RNF217: variants seen among roughly 807,000 people sequenced by gnomAD.
The protein encoded by RNF217 is E3 ubiquitin-protein ligase RNF217.
RNF217 carries 31 observed loss-of-function variants against 57.8 expected under a neutral mutation model. The ratio of observed to expected loss-of-function variants is 0.54; its 90% CI spans 0.40 to 0.72. The LOEUF is 0.72. Among genes scored for constraint, RNF217 ranks in the 30% least tolerant of loss-of-function variants. The pLI is 0.00. For missense variants in RNF217, 696 were observed against 708.3 expected (o/e 0.98, Z 0.20); for synonymous variants, 313 against 294.0 (o/e 1.06, Z -0.66).
At chr6:125,033,212 T>A (rs1582732498) in intron 1 of RNF217, among the ~76,000 whole-genome samples, 1 of 151,440 alleles carries the variant, frequency 6.6e-6, no homozygotes, top group Non-Finnish European at 1.5e-5. Context: ...TTTTTTTTTA[T>A]ACTTAAGTTT....
At chr6:125,049,917 A>G (rs1787245793) in intron 2 of RNF217, among the ~76,000 whole-genome samples, 1 of 151,872 alleles carries the variant, frequency 6.6e-6, no homozygotes, top group South Asian at 2.1e-4. Flanking sequence ...TTAAGTTTGA[A>G]GACCCTTTAG....
intron 1 of RNF217, among the ~76,000 whole-genome samples, chr6:125,013,329 T>TA (rs754403069): frequency 1.4e-5 from 2 of 146,744 alleles, no homozygotes; most frequent in South Asian, 4.5e-4. Flanking sequence ...AAAAGAAAGG[T>TA]AGGTGCTTGC....
chr6:124,970,335 C>A (rs537441360), intron 1 of RNF217, among the ~76,000 whole-genome samples: 34 of 152,192 alleles, frequency 2.2e-4, no homozygotes, highest in Middle Eastern at 6.8e-3. Context: ...GTGATACAGG[C>A]GAACGCAGTT....
intron 4 of RNF217, among the ~76,000 whole-genome samples, chr6:125,080,819 T>C (rs1328255431): frequency 6.6e-6 from 1 of 152,108 alleles, no homozygotes; most frequent in Non-Finnish European, 1.5e-5. Flanking sequence ...GTGCTTCCTT[T>C]TTCAATTCGT....
At chr6:125,016,820 A>G (rs1344425989) in intron 1 of RNF217, among the ~76,000 whole-genome samples, 1 of 152,086 alleles carries the variant, frequency 6.6e-6, no homozygotes, top group Non-Finnish European at 1.5e-5. Context: ...ACATTAGGTA[A>G]TACCTAATAT....
At position 124,962,802 on chromosome 6, in the gene RNF217, G is replaced by C. The variant is rs931413969; in HGVS notation, c.258G>C (p.Gln86His). 1 of 1,597,404 alleles carries C rather than the reference G, an allele frequency of 6.3e-7. No homozygotes were observed. Among genetic ancestry groups the C allele is most frequent in the African/African-American group, 1.3e-5 (1 of 74,880 alleles). The change falls in exon 1 of 6, where the codon CAG becomes CAC. Residue 86 changes from glutamine (Q) to histidine (H), a missense_variant. Around this residue, in one of 2 missense-constraint regions of RNF217, gnomAD observed 465 missense variants for 386.8 expected, o/e 1.20. Coordinates refer to ENST00000521654, the MANE Select transcript of RNF217 (RefSeq NM_001286398.3). This position sits in a 1 kb window ranked among gnomAD's most constrained non-coding sequence, Gnocchi z 4.6. The part of the protein sequence containing the change: ...PGWSKSRAPA[Q>H]PAGLALTGPL... ...GGAGTAAGAGCCGAGCACCGGCGCA[G>C]CCTGCGGGACTGGCACTCACCGGGC...
intron 1 of RNF217, among the ~76,000 whole-genome samples, chr6:124,964,137 G>C (rs1783429402): frequency 6.6e-6 from 1 of 152,200 alleles, no homozygotes; most frequent in African/African-American, 2.4e-5. Context: ...TGGAAAGCTT[G>C]AGAGTGCACC....
intron 1 of RNF217, among the ~76,000 whole-genome samples, chr6:125,030,765 G>A (rs145826610): frequency 0.027 from 4,116 of 152,122 alleles, 166 homozygotes; most frequent in African/African-American, 0.087. Context: ...CCAGGCACAC[G>A]GTGCAAGCTG....
At chr6:125,001,778 G>A (rs1784995567) in intron 1 of RNF217, among the ~76,000 whole-genome samples, 1 of 152,132 alleles carries the variant, frequency 6.6e-6, no homozygotes, top group African/African-American at 2.4e-5. Context: ...TGTATTATTT[G>A]TGCTGAGAGA....
chr6:124,981,961 G>C lies in RNF217; in HGVS notation c.882+18535G>C, dbSNP rs551592442. Among the ~76,000 whole-genome samples the C allele has an allele frequency of 2.0e-5, 3 of 147,464 alleles. No individual in the cohort carries two copies. The East Asian group carries it at 6.0e-4, about 30-fold the overall frequency. The stretch of plus-strand genomic sequence containing the variant: ...AAGAACCACTTGAACCCGGGAGGCA[G>C]AGGTTGCAATGAACCGAGATCGCGC... On this transcript the variant is annotated intron_variant, in intron 1 of 5. Transcript: ENST00000521654.
chr6:124,981,987 C>T (rs1250458765), intron 1 of RNF217, among the ~76,000 whole-genome samples: 4 of 144,290 alleles, frequency 2.8e-5, no homozygotes, highest in African/African-American at 1.0e-4. Flanking sequence ...GAGATCGCGC[C>T]GCTGCACTCC....
chr6:125,029,526 G>A (rs1786256749), intron 1 of RNF217, among the ~76,000 whole-genome samples: 1 of 152,152 alleles, frequency 6.6e-6, no homozygotes, highest in African/African-American at 2.4e-5. Flanking sequence ...AAGATACTTT[G>A]TTTTGGCATG....
At position 125,084,884 on chromosome 6, in the gene RNF217, A is replaced by G. The variant is rs952572839; in HGVS notation, c.*1947A>G. 4.6e-5 allele frequency: 7 copies of G among 152,062 alleles called. No homozygotes were observed. The highest frequency in any genetic ancestry group is 1.7e-4 in the African/African-American group (7 of 41,562). The allele number at this position is 152,062 out of a possible 1,614,324, so 9.4% of individuals were successfully genotyped here. ...TATCTTAGGTGTAATAGTATTTAAG[A>G]CTGAAAGAAGGAGAATTTCTAACCT... On this transcript the variant is annotated 3_prime_UTR_variant, in exon 6 of 6. Coordinates refer to ENST00000521654, the MANE Select transcript of RNF217 (RefSeq NM_001286398.3).
At chr6:124,988,734 A>G (rs1784445713) in intron 1 of RNF217, among the ~76,000 whole-genome samples, 1 of 152,194 alleles carries the variant, frequency 6.6e-6, no homozygotes, top group Admixed American at 6.5e-5. Flanking sequence ...TCTCTAATTA[A>G]AGTTCTTTAA....
At position 125,013,349 on chromosome 6, in the gene RNF217, GTA is replaced by G. The variant is rs59462089; in HGVS notation, c.883-31860_883-31859del. On this transcript the variant is annotated intron_variant, in intron 1 of 5. Coordinates refer to ENST00000521654, the MANE Select transcript of RNF217 (RefSeq NM_001286398.3). ...AAAGGTAGGTGCTTGCATGTTTTGT[GTA>G]TGTGTGTGTGTGTGTGTGTGTGTGT... Among the ~76,000 whole-genome samples the G allele has an allele frequency of 3.2e-3, 235 of 73,818 alleles. 1 individual carries two copies. The highest frequency in any genetic ancestry group is 0.014 in the African/African-American group (216 of 15,008). 48.4% of individuals were successfully genotyped at this position (73,818 alleles called of 152,430 possible). A position where few individuals can be genotyped will look rare whatever the true frequency, so the allele number is the denominator to read the frequency against.
chr6:125,035,829 T>A (rs921920818), intron 1 of RNF217, among the ~76,000 whole-genome samples: 4 of 152,052 alleles, frequency 2.6e-5, no homozygotes, highest in Non-Finnish European at 5.9e-5. Context: ...AAGTCAAGAC[T>A]TATTTGTGGG....
At chr6:125,042,183 G>A (rs1415450378) in intron 1 of RNF217, among the ~76,000 whole-genome samples, 1 of 152,098 alleles carries the variant, frequency 6.6e-6, no homozygotes, top group Non-Finnish European at 1.5e-5. Flanking sequence ...ATGAAAAAGA[G>A]GATATTGTTA....
chr6:124,983,686 A>G (rs1784258864), intron 1 of RNF217, among the ~76,000 whole-genome samples: 1 of 152,074 alleles, frequency 6.6e-6, no homozygotes, highest in East Asian at 1.9e-4. Flanking sequence ...CAAATGCAGT[A>G]TTTTCTTACT....
At chr6:124,972,203 C>G (rs1783790423) in intron 1 of RNF217, among the ~76,000 whole-genome samples, 1 of 152,202 alleles carries the variant, frequency 6.6e-6, no homozygotes, top group Non-Finnish European at 1.5e-5. Context: ...AGCTATTCTT[C>G]TCCCTTATCT....
Sources: gnomAD v4.1 joint callset for allele counts (sites outside exome capture counted in the v4.1 genomes callset) on GRCh38, gnomAD v4.1.1 for gene constraint, gnomAD v4.1.1 regional missense constraint, Gnocchi (gnomAD v3.1) non-coding constraint, MANE v1.5 for transcripts, NCBI Gene and HGNC (gene_info 2026-07-23, HGNC 2026-07-21) for gene names.